Variants in ZZEF1 observed in about 807,000 individuals in gnomAD.
ZZEF1 encodes the protein zinc finger ZZ-type and EF-hand domain-containing protein 1.
ZZEF1 carries 157 observed loss-of-function variants against 342.8 expected under a neutral mutation model. That is an observed-to-expected ratio of 0.46 (90% CI 0.40 to 0.52). The LOEUF (loss-of-function observed/expected upper bound fraction) is 0.52. ZZEF1 is among the 20% of genes least tolerant of loss of function. The pLI, the probability that ZZEF1 is intolerant of heterozygous loss-of-function variation, is 0.00. For synonymous variants in ZZEF1, 1,505 were observed against 1,429.1 expected (o/e 1.05, Z -1.20); for missense variants, 3,480 against 3,725.6 (o/e 0.93, Z 1.72).
chr17:4,102,305 C>A lies in ZZEF1; in HGVS notation c.1672+12G>T. ...ACCGAGCACACTAGAAACAGACAGA[C>A]CCACCACTCACCATCCCTTGTCCAC... On this transcript the variant is annotated intron_variant, in intron 9 of 54. Coordinates refer to ENST00000381638, the MANE Select transcript of ZZEF1 (RefSeq NM_015113.4). 1 of 1,612,182 alleles carries A rather than the reference C, an allele frequency of 6.2e-7. No individual in the cohort carries two copies. The highest frequency in any genetic ancestry group is 2.2e-5 in the East Asian group (1 of 44,866).
At chr17:4,131,664 C>T (rs1183403173) in intron 1 of ZZEF1, among the ~76,000 whole-genome samples, 2 of 151,908 alleles carry the variant, frequency 1.3e-5, no homozygotes, top group Admixed American at 6.6e-5. Flanking sequence ...CCTGTAATCC[C>T]AGCTAGTCGA....
Position 4,008,971 on chromosome 17 carries a change from G to T in ZZEF1, c.8734-17C>A. Reference sequence around the variant, plus strand: ...GCCAAGCTCCTGCAGAGAGAGAGCAGGGGCTGTGAGTGACAGCGCCAGATG... The same window carrying T: ...GCCAAGCTCCTGCAGAGAGAGAGCATGGGCTGTGAGTGACAGCGCCAGATG... On this transcript the variant is annotated splice_polypyrimidine_tract_variant and intron_variant, in intron 53 of 54. Transcript: ENST00000381638. This position sits in a 1 kb window ranked among gnomAD's most constrained non-coding sequence, Gnocchi z 4.2. 1 of 1,538,846 alleles carries T rather than the reference G, an allele frequency of 6.5e-7. No homozygotes were observed.
chr17:4,044,510 T>A, intron 37 of ZZEF1, 136 bp from the exon 38 acceptor site: 1 of 736,398 alleles, frequency 1.4e-6, no homozygotes, highest in Admixed American at 3.0e-5. Context: ...TGCCACTCAT[T>A]TCTTTTTTCT....
intron 1 of ZZEF1, among the ~76,000 whole-genome samples, chr17:4,134,769 G>C (rs1181087041): frequency 6.6e-6 from 1 of 152,034 alleles, no homozygotes; most frequent in African/African-American, 2.4e-5. Flanking sequence ...TATACCATGG[G>C]CCAACAGACA....
intron 26 of ZZEF1, 57 bp from the exon 27 acceptor site, chr17:4,067,299 A>C: frequency 4.3e-6 from 6 of 1,385,054 alleles, no homozygotes; most frequent in Admixed American, 2.0e-5. Flanking sequence ...CACTACTGCA[A>C]CATTAAGCAC....
chr17:4,054,963 T>A (rs1330998834), intron 33 of ZZEF1, among the ~76,000 whole-genome samples: 1 of 152,078 alleles, frequency 6.6e-6, no homozygotes, highest in Non-Finnish European at 1.5e-5. Flanking sequence ...TAGGGATCAG[T>A]AAAAGGGAAG....
Position 4,085,658 on chromosome 17 carries a change from A to C in ZZEF1, c.2646+12T>G, listed in dbSNP as rs964897115. The C allele has an allele frequency of 1.2e-6, 2 of 1,613,402 alleles. No homozygotes were observed. Among genetic ancestry groups the C allele is most frequent in the Non-Finnish European group, 1.7e-6 (2 of 1,179,628 alleles). ...CTTCAGACATTGAATCCAGACTTTT[A>C]GTAATAATTACCATCATGGTGAAGA... is the stretch of plus-strand genomic sequence containing the variant. On this transcript the variant is annotated intron_variant, in intron 16 of 54. Transcript: ENST00000381638.
chr17:4,066,263 T>TA (rs1490315259), intron 28 of ZZEF1, among the ~76,000 whole-genome samples, 184 bp downstream of exon 28: 1 of 152,358 alleles, frequency 6.6e-6, no homozygotes, highest in South Asian at 2.1e-4. Context: ...AATAAAACAT[T>TA]ACTCCTCTTT....
rs116453451 is a variant in ZZEF1 at position 4,035,047 on chromosome 17, G to A, written c.6307-755C>T. On this transcript the variant is annotated intron_variant, in intron 39 of 54. Coordinates refer to ENST00000381638, the MANE Select transcript of ZZEF1 (RefSeq NM_015113.4). ...TGTGTATATATATATATTTGTGTAT[G>A]TATGTATATGTAAAATAAATTTAAA... is the stretch of plus-strand genomic sequence containing the variant. Among the ~76,000 whole-genome samples the A allele has an allele frequency of 4.5e-3, 686 of 152,230 alleles. 5 individuals are homozygous for A. Among genetic ancestry groups the A allele is most frequent in the African/African-American group, 0.015 (640 of 41,548 alleles).
rs2058260016 is a variant in ZZEF1, at chr17:4,109,375, G to A, written c.1277+278C>T. Among the ~76,000 whole-genome samples, 4 of 152,212 alleles carry A rather than the reference G, an allele frequency of 2.6e-5. No individual in the cohort carries two copies. The South Asian group carries it at 6.2e-4, about 24-fold the overall frequency. ...CATAAGTGACCTCCTCACAAGACTG[G>A]TCCACTTAGTGAGCTGATGAAGAAC... On this transcript the variant is annotated intron_variant, in intron 6 of 54. Coordinates refer to ENST00000381638, the MANE Select transcript of ZZEF1 (RefSeq NM_015113.4).
intron 18 of ZZEF1, among the ~76,000 whole-genome samples, chr17:4,081,133 A>T (rs2057715772): frequency 6.6e-6 from 1 of 152,090 alleles, no homozygotes; most frequent in Non-Finnish European, 1.5e-5. Flanking sequence ...GCTACTTGGG[A>T]GACTGAGGTG....
At position 4,014,584 on chromosome 17, in the gene ZZEF1, G is replaced by A. The variant is rs993169202; in HGVS notation, c.8146-69C>T. The A allele has an allele frequency of 4.5e-6, 7 of 1,544,526 alleles. No homozygotes were observed. The highest frequency in any genetic ancestry group is 2.2e-5 in the East Asian group (1 of 44,468). ...TAGACACTGACTGCAGCTGTCCCAT[G>A]CCGAGTCCTGTGGCTGGACCCGGGT... On this transcript the variant is annotated intron_variant, in intron 49 of 54. Transcript: ENST00000381638. This position sits in a 1 kb window ranked among gnomAD's most constrained non-coding sequence, Gnocchi z 4.4.
chr17:4,036,823 T>A (rs1044025979), intron 39 of ZZEF1, among the ~76,000 whole-genome samples: 2,147 of 70,032 alleles, frequency 0.031, 37 homozygotes, highest in African/African-American at 0.17. Context: ...ACACACTCTC[T>A]CTCTCTCTCT....
In ZZEF1 at chr17:4,024,899, C is replaced by T. The variant is rs750011389; in HGVS notation, c.7092+20G>A. On this transcript the variant is annotated intron_variant, in intron 43 of 54. Transcript: ENST00000381638. Reference sequence around the variant, plus strand: ...AAATTATAGCCAGATCCACTGCCAACTGGAGAAGCTCCCCATTACCTTTAG... The same window carrying T: ...AAATTATAGCCAGATCCACTGCCAATTGGAGAAGCTCCCCATTACCTTTAG... The T allele has an allele frequency of 6.2e-7, 1 of 1,613,130 alleles. No individual in the cohort carries two copies. Among genetic ancestry groups the T allele is most frequent in the Admixed American group, 1.7e-5 (1 of 60,030 alleles).
chr17:4,027,947 G>C (rs1228762552), intron 42 of ZZEF1, among the ~76,000 whole-genome samples: 1 of 152,080 alleles, frequency 6.6e-6, no homozygotes, highest in Non-Finnish European at 1.5e-5. Context: ...GCCTCTCAGA[G>C]TGCTGGGTTA....
At chr17:4,136,137 C>T (rs62072175) in intron 1 of ZZEF1, among the ~76,000 whole-genome samples, 22,961 of 149,664 alleles carry the variant, frequency 0.15, 1,929 homozygotes, top group African/African-American at 0.22. Context: ...ACTACAGGCG[C>T]GCTTCACCAC....
chr17:4,010,933 G>A (rs913037541), intron 52 of ZZEF1, among the ~76,000 whole-genome samples: 13 of 151,914 alleles, frequency 8.6e-5, no homozygotes, highest in African/African-American at 2.4e-4. Context: ...AAACAGAAAA[G>A]AACACTTAAG....
Position 4,008,516 on chromosome 17 carries a change from A to C in ZZEF1, c.8805+367T>G. The C allele has an allele frequency of 9.6e-7, 1 of 1,036,552 alleles. No homozygotes were observed. Among genetic ancestry groups the C allele is most frequent in the South Asian group, 3.9e-5 (1 of 25,774 alleles). 64.2% of individuals were successfully genotyped at this position (1,036,552 alleles called of 1,614,324 possible). ...TCAGTGAAAAGTGTGAAGCGTCCTG[A>C]GACCAAACAGCTGTCAGAAGAGGAG... On this transcript the variant is annotated intron_variant, in intron 54 of 54. Coordinates refer to ENST00000381638, the MANE Select transcript of ZZEF1 (RefSeq NM_015113.4). The surrounding 1 kb of genome is among the most constrained non-coding windows in gnomAD (Gnocchi z 4.2).
chr17:4,111,696 A>G (rs1284129152), intron 5 of ZZEF1, among the ~76,000 whole-genome samples: 1 of 148,586 alleles, frequency 6.7e-6, no homozygotes, highest in Non-Finnish European at 1.5e-5. Context: ...TATATTACAC[A>G]TATAAGCATA....
Sources: allele counts gnomAD v4.1 joint callset (sites outside exome capture counted in the v4.1 genomes callset), GRCh38; gene constraint gnomAD v4.1.1; non-coding constraint Gnocchi (gnomAD v3.1); transcripts MANE v1.5; gene names NCBI Gene and HGNC (gene_info 2026-07-23, HGNC 2026-07-21).